CNBD1: variants seen among roughly 807,000 people sequenced by gnomAD.
CNBD1 encodes the protein cyclic nucleotide binding domain containing 1.
CNBD1 carries 71 observed loss-of-function variants against 54.4 expected under a neutral mutation model. The ratio of observed to expected loss-of-function variants is 1.30; its 90% CI spans 1.08 to 1.59. The LOEUF (loss-of-function observed/expected upper bound fraction) is 1.59, where lower values mean the gene tolerates loss of function less well. Ranked by LOEUF, CNBD1 falls within the 40% of genes most tolerant of loss-of-function variation. The probability of loss-of-function intolerance (pLI) is 0.00; values close to 1 mark genes in which losing one functional copy is unlikely to be tolerated. For missense variants in CNBD1, 659 were observed against 518.0 expected, an observed-to-expected ratio of 1.27 and a Z score of -2.64; for synonymous variants, 182 against 170.7, an observed-to-expected ratio of 1.07 and a Z score of -0.51.
At chr8:87,414,280 C>A (rs1807800632) in intron 2 of CNBD1, among the ~76,000 whole-genome samples, 1 of 151,910 alleles carries the variant, frequency 6.6e-6, no homozygotes. Context: ...GGACAAAAAA[C>A]CAAACACCAC....
intron 6 of CNBD1, among the ~76,000 whole-genome samples, chr8:87,255,380 A>G (rs1250032358): frequency 2.0e-5 from 3 of 152,160 alleles, no homozygotes; most frequent in Admixed American, 1.3e-4. Flanking sequence ...TAATAGCCTG[A>G]TAAAATGATA....
chr8:87,086,060 G>A (rs1423324620), intron 4 of CNBD1, among the ~76,000 whole-genome samples: 1 of 152,110 alleles, frequency 6.6e-6, no homozygotes, highest in Admixed American at 6.5e-5. Flanking sequence ...GGGAGCTTTT[G>A]TAATTTCAGC....
intron 8 of CNBD1, among the ~76,000 whole-genome samples, chr8:87,323,166 C>A (rs879664102): frequency 0.052 from 6,133 of 118,006 alleles, 201 homozygotes; most frequent in African/African-American, 0.056. Context: ...TGATCTATAT[C>A]TCTGTTTTGG....
chr8:87,269,196 T>A (rs1174636266), intron 6 of CNBD1, among the ~76,000 whole-genome samples: 1 of 152,092 alleles, frequency 6.6e-6, no homozygotes, highest in East Asian at 1.9e-4. Context: ...TCCCTATAGT[T>A]TGTTATTGTC....
At chr8:87,245,971 C>T (rs1198611219) in intron 6 of CNBD1, among the ~76,000 whole-genome samples, 1 of 151,922 alleles carries the variant, frequency 6.6e-6, no homozygotes, top group Non-Finnish European at 1.5e-5. Flanking sequence ...ATTTAAAGTA[C>T]AGCAGGTTCT....
chr8:87,266,438 CTTTTTTTTT>C (rs72293236), intron 6 of CNBD1, among the ~76,000 whole-genome samples: 42 of 50,134 alleles, frequency 8.4e-4, no homozygotes, highest in African/African-American at 2.8e-3. Flanking sequence ...AAAAAAAAAT[CTTTTTTTTT>C]TTTTTTTTTT....
intron 2 of CNBD1, among the ~76,000 whole-genome samples, chr8:87,409,500 A>G (rs1386404921): frequency 6.6e-6 from 1 of 152,298 alleles, no homozygotes; most frequent in East Asian, 1.9e-4. Flanking sequence ...AGATATAACT[A>G]AGATCTTTGA....
At chr8:87,324,640 A>G (rs1419390361) in intron 8 of CNBD1, among the ~76,000 whole-genome samples, 5 of 151,440 alleles carry the variant, frequency 3.3e-5, no homozygotes, top group East Asian at 3.9e-4. Flanking sequence ...CTGTGGGATC[A>G]GTGGTGATAT....
At chr8:87,414,657 A>G (rs77781687) in intron 2 of CNBD1, among the ~76,000 whole-genome samples, 5,265 of 152,086 alleles carry the variant, frequency 0.035, 290 homozygotes, top group African/African-American at 0.12. Context: ...TTCTTGTACT[A>G]TTACCACAAC....
At chr8:87,110,110 A>G (rs1056454748) in intron 4 of CNBD1, among the ~76,000 whole-genome samples, 8 of 152,190 alleles carry the variant, frequency 5.3e-5, no homozygotes, top group African/African-American at 1.9e-4. Flanking sequence ...ACTGAAGCTC[A>G]GCCCATCGGG....
chr8:87,327,483 C>T (rs1010295134), intron 8 of CNBD1, among the ~76,000 whole-genome samples: 4 of 152,208 alleles, frequency 2.6e-5, no homozygotes, highest in African/African-American at 9.6e-5. Context: ...TACTCCGAAC[C>T]AGGTGTGGGA....
chr8:87,362,396 A>G (rs996115287), intron 10 of CNBD1, among the ~76,000 whole-genome samples: 15 of 152,114 alleles, frequency 9.9e-5, no homozygotes, highest in Admixed American at 9.8e-4. Context: ...GCTATTGTAC[A>G]CACTGCCCCT....
chr8:87,077,973 C>G (rs539227632), intron 4 of CNBD1, among the ~76,000 whole-genome samples: 88 of 152,042 alleles, frequency 5.8e-4, no homozygotes, highest in Non-Finnish European at 1.1e-3. Context: ...TCTAAAAGGA[C>G]ACTAATCCCA....
chr8:87,070,478 A>C (rs1810738331), intron 4 of CNBD1, among the ~76,000 whole-genome samples: 1 of 152,142 alleles, frequency 6.6e-6, no homozygotes, highest in Non-Finnish European at 1.5e-5. Context: ...ACTACTCAAA[A>C]ATATATTTAA....
In CNBD1 at chr8:87,151,865, A is replaced by AT. The variant is rs1426475553; in HGVS notation, c.432-54124dup. On this transcript the variant is annotated intron_variant, in intron 4 of 10. Coordinates refer to ENST00000518476, the MANE Select transcript of CNBD1 (RefSeq NM_173538.3). Reference sequence around the variant, plus strand: ...GTCTATACTTCTTCATATTTTGTACATTTTCATCAATGGGCATATTTTTAC... The same window carrying AT: ...GTCTATACTTCTTCATATTTTGTACATTTTTCATCAATGGGCATATTTTTAC... Among the ~76,000 whole-genome samples, 19 of 152,116 alleles carry AT rather than the reference A, an allele frequency of 1.2e-4. 1 individual carries two copies. The East Asian group carries it at 3.7e-3, about 29-fold the overall frequency.
intron 4 of CNBD1, among the ~76,000 whole-genome samples, chr8:87,205,562 A>G (rs1813954792): frequency 6.6e-6 from 1 of 152,142 alleles, no homozygotes; most frequent in South Asian, 2.1e-4. Context: ...GTATATTTCC[A>G]TTTGATCTAA....
At chr8:87,357,346 A>T (rs1810439459) in intron 10 of CNBD1, among the ~76,000 whole-genome samples, 1 of 152,186 alleles carries the variant, frequency 6.6e-6, no homozygotes, top group Non-Finnish European at 1.5e-5. Flanking sequence ...ACAGGCGTTT[A>T]ACTCCAACCC....
intron 1 of CNBD1, among the ~76,000 whole-genome samples, chr8:86,878,043 G>T (rs1417146892): frequency 1.4e-5 from 2 of 144,154 alleles, no homozygotes; most frequent in African/African-American, 5.1e-5. Flanking sequence ...CCTATTTATG[G>T]TTAATGCCAT....
At chr8:86,939,190 A>C (rs1331880600) in intron 3 of CNBD1, among the ~76,000 whole-genome samples, 1 of 152,178 alleles carries the variant, frequency 6.6e-6, no homozygotes, top group African/African-American at 2.4e-5. Context: ...AGTGGTAAAT[A>C]AAAGTTAAAT....
Sources: allele counts gnomAD v4.1 joint callset (sites outside exome capture counted in the v4.1 genomes callset), GRCh38; gene constraint gnomAD v4.1.1; transcripts MANE v1.5; gene names NCBI Gene and HGNC (gene_info 2026-07-23, HGNC 2026-07-21).